NALCN: variants seen among roughly 807,000 people sequenced by gnomAD.
NALCN encodes the protein sodium leak channel, non-selective, also known as sodium leak channel NALCN.
A neutral mutation model predicts 225.3 loss-of-function variants in NALCN; 111 were observed. The observed-to-expected ratio is 0.49, with a 90% CI of 0.42 to 0.58. The LOEUF (loss-of-function observed/expected upper bound fraction) is 0.58, where lower values mean the gene tolerates loss of function less well. NALCN is among the 20% of genes least tolerant of loss of function. The pLI is 0.00. For missense variants in NALCN, 1,378 were observed against 2,202.4 expected, an observed-to-expected ratio of 0.63 and a Z score of 7.49; for synonymous variants, 764 against 769.0, an observed-to-expected ratio of 0.99 and a Z score of 0.11.
intron 10 of NALCN, among the ~76,000 whole-genome samples, chr13:101,274,281 T>G (rs1201358204): frequency 6.6e-6 from 1 of 152,154 alleles, no homozygotes; most frequent in Non-Finnish European, 1.5e-5. Flanking sequence ...TGTCCATCGA[T>G]AGTGGAATGA....
At chr13:101,356,389 T>C (rs1016956031) in intron 6 of NALCN, among the ~76,000 whole-genome samples, 2 of 151,950 alleles carry the variant, frequency 1.3e-5, no homozygotes, top group Non-Finnish European at 1.5e-5. Context: ...CCCACAGAAA[T>C]ACAAAATACC....
intron 11 of NALCN, among the ~76,000 whole-genome samples, chr13:101,255,348 A>C (rs2042196552): frequency 6.6e-6 from 1 of 152,176 alleles, no homozygotes; most frequent in South Asian, 2.1e-4. Flanking sequence ...TACATGAAAA[A>C]GTTAGGTAAA....
At chr13:101,061,909 C>T (rs989325673) in intron 41 of NALCN, 59 bp downstream of exon 41, 10 of 1,527,196 alleles carry the variant, frequency 6.5e-6, no homozygotes, top group African/African-American at 4.1e-5. Context: ...CTTTCATCCT[C>T]CTGCGGGGCA....
Position 101,089,943 on chromosome 13 carries a change from A to T in NALCN, c.3293T>A (p.Phe1098Tyr), listed in dbSNP as rs763713051. The T allele has an allele frequency of 6.2e-7, 1 of 1,613,994 alleles. No homozygotes were observed. The highest frequency in any genetic ancestry group is 8.5e-7 in the Non-Finnish European group (1 of 1,179,896). ...RVWANPRNFN[F>Y]DNVGNAMLAL... ...CAGCATAGCGTTTCCCACATTGTCG[A>T]AATTAAAGTTCCGAGGATTCGCCCT... is the stretch of plus-strand genomic sequence containing the variant. Residue 1098 changes from phenylalanine (F) to tyrosine (Y), a missense_variant, in exon 29 of 44, where the codon TTC becomes TAC. This residue lies in a region of NALCN where 292 missense variants were observed against 409.5 expected (regional missense o/e 0.71). Transcript: ENST00000251127. The surrounding 1 kb of genome is among the most constrained non-coding windows in gnomAD (Gnocchi z 4.7).
chr13:101,217,670 G>T (rs1367863391), intron 13 of NALCN, among the ~76,000 whole-genome samples: 1 of 152,086 alleles, frequency 6.6e-6, no homozygotes, highest in Non-Finnish European at 1.5e-5. Context: ...CAACCTCAAG[G>T]TACCTGTAGA....
intron 3 of NALCN, among the ~76,000 whole-genome samples, chr13:101,390,348 A>C (rs1167765783): frequency 6.6e-6 from 1 of 152,090 alleles, no homozygotes; most frequent in African/African-American, 2.4e-5. Context: ...GAGGAGTGAA[A>C]TACAGGGGAC....
At chr13:101,406,552 AT>A (rs779791006) in intron 1 of NALCN, among the ~76,000 whole-genome samples, 4 of 152,166 alleles carry the variant, frequency 2.6e-5, no homozygotes, top group Non-Finnish European at 5.9e-5. Context: ...GGCATCAATT[AT>A]TTTTTGTGCA....
chr13:101,168,826 T>G (rs2038577127), intron 15 of NALCN, among the ~76,000 whole-genome samples: 1 of 152,188 alleles, frequency 6.6e-6, no homozygotes, highest in Admixed American at 6.5e-5. Context: ...TCTCTCTTGC[T>G]CTACACATTA....
chr13:101,373,258 A>G (rs1356317991), intron 6 of NALCN, among the ~76,000 whole-genome samples: 2 of 152,186 alleles, frequency 1.3e-5, no homozygotes, highest in African/African-American at 4.8e-5. Flanking sequence ...TAAGAAAGAA[A>G]GAATATGAAT....
At chr13:101,075,133 A>G (rs764022163) in intron 35 of NALCN, among the ~76,000 whole-genome samples, 1 of 152,212 alleles carries the variant, frequency 6.6e-6, no homozygotes, top group Non-Finnish European at 1.5e-5. Context: ...GGTTATGTGT[A>G]TATATGGAAT....
In NALCN at chr13:101,149,109, C is replaced by T. The variant is rs572195668; in HGVS notation, c.1840-4213G>A. On this transcript the variant is annotated intron_variant, in intron 15 of 43. Coordinates refer to ENST00000251127, the MANE Select transcript of NALCN (RefSeq NM_052867.4). The stretch of plus-strand genomic sequence containing the variant: ...GAGATCGAGACCATCCTGGCTAACA[C>T]GGTGAAACCCCGTCTCTGCTAAAAA... 2.9e-3 allele frequency among the ~76,000 whole-genome samples: 440 copies of T among 152,186 alleles called. 5 individuals are homozygous for T. Among genetic ancestry groups the T allele is most frequent in the African/African-American group, 9.9e-3 (412 of 41,540 alleles).
chr13:101,056,567 G>A (rs2031290196), intron 43 of NALCN, among the ~76,000 whole-genome samples: 1 of 151,984 alleles, frequency 6.6e-6, no homozygotes. Flanking sequence ...TGGCCCAATG[G>A]AAGTACTTTT....
chr13:101,290,427 C>T (rs905845151), intron 9 of NALCN, among the ~76,000 whole-genome samples: 5 of 152,112 alleles, frequency 3.3e-5, no homozygotes, highest in Admixed American at 6.5e-5. Flanking sequence ...CGGAATGGAC[C>T]GGGAACTTTC....
At chr13:101,091,167 C>T (rs903511984) in intron 28 of NALCN, among the ~76,000 whole-genome samples, 1 of 151,976 alleles carries the variant, frequency 6.6e-6, no homozygotes, top group African/African-American at 2.4e-5. Context: ...TTTTGATAAC[C>T]AAACACTGGA....
chr13:101,371,371 TGCA>T (rs1180428740), intron 6 of NALCN, among the ~76,000 whole-genome samples: 1 of 152,116 alleles, frequency 6.6e-6, no homozygotes, highest in Non-Finnish European at 1.5e-5. Flanking sequence ...CAGGCTGGAG[TGCA>T]GTGACGCAAT....
chr13:101,185,776 G>A (rs749744633), intron 14 of NALCN, among the ~76,000 whole-genome samples: 1 of 152,040 alleles, frequency 6.6e-6, no homozygotes, highest in South Asian at 2.1e-4. Flanking sequence ...TTTATTTTTC[G>A]CTGCTTGGCA....
chr13:101,288,767 T>C (rs1045437984), intron 9 of NALCN, among the ~76,000 whole-genome samples: 17 of 152,240 alleles, frequency 1.1e-4, no homozygotes, highest in African/African-American at 4.1e-4. Context: ...AAGTTAGATA[T>C]GTATTGACTG....
intron 17 of NALCN, among the ~76,000 whole-genome samples, chr13:101,137,974 C>G (rs751974977): frequency 5.3e-5 from 8 of 152,200 alleles, no homozygotes; most frequent in Non-Finnish European, 1.0e-4. Flanking sequence ...CTTAATCACT[C>G]TTCTACCCAA....
At chr13:101,397,263 A>C (rs1027161389) in intron 2 of NALCN, among the ~76,000 whole-genome samples, 1 of 150,456 alleles carries the variant, frequency 6.6e-6, no homozygotes, top group Non-Finnish European at 1.5e-5. Context: ...GACAACAAAG[A>C]GTCCATGCAG....
Sources: allele counts gnomAD v4.1 joint callset (sites outside exome capture counted in the v4.1 genomes callset), GRCh38; gene constraint gnomAD v4.1.1; regional missense constraint gnomAD v4.1.1; non-coding constraint Gnocchi (gnomAD v3.1); transcripts MANE v1.5; gene names NCBI Gene and HGNC (gene_info 2026-07-23, HGNC 2026-07-21).